CIT: variants seen among roughly 807,000 people sequenced by gnomAD.
CIT encodes the protein citron rho-interacting serine/threonine kinase, also known as citron Rho-interacting kinase.
A neutral mutation model predicts 272.7 loss-of-function variants in CIT; 79 were observed. The observed-to-expected ratio is 0.29, with a 90% CI of 0.24 to 0.35. The LOEUF is 0.35. CIT is among the 10% of genes least tolerant of loss of function. The pLI, the probability that CIT is intolerant of heterozygous loss-of-function variation, is 1.00. For missense variants in CIT, 1,909 were observed against 2,618.3 expected (o/e 0.73, Z 5.91); for synonymous variants, 948 against 995.6 (o/e 0.95, Z 0.90).
At chr12:119,869,995 A>G (rs977248666) in intron 2 of CIT, among the ~76,000 whole-genome samples, 1 of 152,008 alleles carries the variant, frequency 6.6e-6, no homozygotes, top group Non-Finnish European at 1.5e-5. Flanking sequence ...ATTTATACTC[A>G]CTGCCTGGCC....
intron 22 of CIT, among the ~76,000 whole-genome samples, chr12:119,756,858 G>C (rs1961054623): frequency 6.6e-6 from 1 of 152,158 alleles, no homozygotes; most frequent in Non-Finnish European, 1.5e-5. Context: ...GCCAGGCATG[G>C]TGGCTCACGC....
At chr12:119,719,564 C>T (rs1014332946) in intron 30 of CIT, among the ~76,000 whole-genome samples, 2 of 152,166 alleles carry the variant, frequency 1.3e-5, no homozygotes, top group Non-Finnish European at 2.9e-5. Context: ...AAATCCTTCC[C>T]GTGCAGCCAA....
intron 32 of CIT, among the ~76,000 whole-genome samples, chr12:119,714,954 T>C (rs1451519115): frequency 6.6e-6 from 1 of 152,222 alleles, no homozygotes; most frequent in Non-Finnish European, 1.5e-5. Flanking sequence ...GTGATATGGT[T>C]TGGCTGTGTC....
chr12:119,787,730 C>CAAAAA (rs61554565), intron 10 of CIT, among the ~76,000 whole-genome samples: 21,441 of 48,700 alleles, frequency 0.44, 4,691 homozygotes, highest in Non-Finnish European at 0.5. Flanking sequence ...GACTCCGTCT[C>CAAAAA]AAAAAAAAAA....
At chr12:119,750,632 T>C (rs1960091993) in intron 23 of CIT, among the ~76,000 whole-genome samples, 4 of 151,972 alleles carry the variant, frequency 2.6e-5, no homozygotes, top group African/African-American at 7.3e-5. Context: ...GGACTGGTCC[T>C]ATACAGACCC....
At position 119,734,465 on chromosome 12, in the gene CIT, G is replaced by A. The variant is rs1472201460; in HGVS notation, c.3157-108C>T. 2.5e-6 allele frequency: 3 copies of A among 1,201,888 alleles called. No individual in the cohort carries two copies. The East Asian group carries it at 7.4e-5, about 30-fold the overall frequency. The allele number at this position is 1,201,888 out of a possible 1,614,324, so 74.5% of individuals were successfully genotyped here. A position where few individuals can be genotyped will look rare whatever the true frequency, so the allele number is the denominator to read the frequency against. The stretch of plus-strand genomic sequence containing the variant: ...AAGCACAAGTTTCTAACTACAGTTT[G>A]AAATGCGGTTTGTCTTTTGCTTCTG... On this transcript the variant is annotated intron_variant, in intron 25 of 47. Transcript: ENST00000392521.
At position 119,704,411 on chromosome 12, in the gene CIT, G is replaced by T. The variant is rs1156585284; in HGVS notation, c.5256C>A (p.Val1752=). ...LCICAAMPSK[V]VILRYNENLS... Reference sequence around the variant, plus strand: ...GGTTTTCGTTGTAGCGGAGAATGACGACTTTGCTGGGCATGGCTGCACAGA... The same window carrying T: ...GGTTTTCGTTGTAGCGGAGAATGACTACTTTGCTGGGCATGGCTGCACAGA... The change falls in exon 41 of 48, where the codon GTC becomes GTA. Residue 1752 remains valine, a synonymous_variant. Coordinates refer to ENST00000392521, the MANE Select transcript of CIT (RefSeq NM_001206999.2). The T allele has an allele frequency of 1.9e-6, 3 of 1,613,826 alleles. No homozygotes were observed. The highest frequency in any genetic ancestry group is 1.3e-5 in the African/African-American group (1 of 74,918).
At chr12:119,834,040 C>A in intron 6 of CIT, 46 bp downstream of exon 6, 1 of 1,555,506 alleles carries the variant, frequency 6.4e-7, no homozygotes, top group African/African-American at 1.4e-5. Context: ...TCTTATGCGA[C>A]ACAGGAAAAT....
At chr12:119,806,480 C>T (rs1042682355) in intron 9 of CIT, among the ~76,000 whole-genome samples, 2 of 152,166 alleles carry the variant, frequency 1.3e-5, no homozygotes, top group Non-Finnish European at 2.9e-5. Context: ...TCCACATTTA[C>T]AGTATCCTGT....
At chr12:119,742,888 C>T (rs140345383) in intron 23 of CIT, 1 of 138,638 alleles carries the variant, frequency 7.2e-6, no homozygotes, top group Non-Finnish European at 1.6e-5. Context: ...CACACACACA[C>T]ACACACATAC....
chr12:119,772,953 T>C (rs1250462910), intron 16 of CIT, 43 bp from the exon 17 acceptor site: 1 of 1,576,024 alleles, frequency 6.3e-7, no homozygotes, highest in Non-Finnish European at 8.6e-7. Flanking sequence ...GCAAATTTAT[T>C]CATATAAAAA....
chr12:119,818,457 T>C (rs1256927482), intron 9 of CIT, among the ~76,000 whole-genome samples: 1 of 152,216 alleles, frequency 6.6e-6, no homozygotes, highest in Non-Finnish European at 1.5e-5. Flanking sequence ...AACCATATTA[T>C]ACACTTGAGG....
At chr12:119,777,531 G>A (rs748893037) in intron 13 of CIT, among the ~76,000 whole-genome samples, 5 of 151,782 alleles carry the variant, frequency 3.3e-5, no homozygotes, top group East Asian at 2.0e-4. Context: ...TTAGCCAGGT[G>A]TGGTGGTGGA....
chr12:119,849,054 C>G (rs534719191), intron 5 of CIT, among the ~76,000 whole-genome samples: 41 of 152,056 alleles, frequency 2.7e-4, no homozygotes, highest in Non-Finnish European at 5.3e-4. Context: ...CATGCTCCTA[C>G]AGAGCACAGT....
At chr12:119,863,725 T>G (rs555437770) in intron 3 of CIT, among the ~76,000 whole-genome samples, 1 of 149,898 alleles carries the variant, frequency 6.7e-6, no homozygotes. Context: ...GACGGGGGGG[T>G]TTCACCATGT....
intron 19 of CIT, among the ~76,000 whole-genome samples, chr12:119,763,678 A>C (rs1447719342): frequency 6.6e-6 from 1 of 152,224 alleles, no homozygotes; most frequent in Non-Finnish European, 1.5e-5. Context: ...CAACCAAATC[A>C]ATAACAAGAT....
chr12:119,704,897 G>C (rs919764688), intron 40 of CIT, among the ~76,000 whole-genome samples: 2 of 152,180 alleles, frequency 1.3e-5, no homozygotes, highest in African/African-American at 4.8e-5. Context: ...GGTAGAGACT[G>C]CTAAACGAAT....
At chr12:119,760,464 A>C (rs1961627358) in intron 20 of CIT, among the ~76,000 whole-genome samples, 1 of 152,082 alleles carries the variant, frequency 6.6e-6, no homozygotes, top group Admixed American at 6.6e-5. Flanking sequence ...TCGTCTCTAC[A>C]GAAAACTTAA....
At chr12:119,702,452 G>A (rs1373668247) in intron 41 of CIT, among the ~76,000 whole-genome samples, 1 of 152,274 alleles carries the variant, frequency 6.6e-6, no homozygotes, top group Non-Finnish European at 1.5e-5. Context: ...TTGGGAGGCT[G>A]AGGCAGGTGG....
Sources: gnomAD v4.1 joint callset for allele counts (sites outside exome capture counted in the v4.1 genomes callset) on GRCh38, gnomAD v4.1.1 for gene constraint, MANE v1.5 for transcripts, NCBI Gene and HGNC (gene_info 2026-07-23, HGNC 2026-07-21) for gene names.